SUPT3H: variants seen among roughly 807,000 people sequenced by gnomAD.
SUPT3H encodes SPT3 homolog, SAGA and STAGA complex component.
In SUPT3H, 44 loss-of-function variants were observed where a neutral mutation model predicts 44.3. The ratio of observed to expected loss-of-function variants is 0.99; its 90% CI spans 0.78 to 1.28. The LOEUF (loss-of-function observed/expected upper bound fraction) is 1.28. Among genes scored for constraint, SUPT3H ranks in the 50% most tolerant of loss-of-function variants. The pLI, the probability that SUPT3H is intolerant of heterozygous loss-of-function variation, is 0.00. For missense variants in SUPT3H, 380 were observed against 387.1 expected, an observed-to-expected ratio of 0.98 and a Z score of 0.15; for synonymous variants, 124 against 125.6, an observed-to-expected ratio of 0.99 and a Z score of 0.09.
intron 2 of SUPT3H, among the ~76,000 whole-genome samples, chr6:45,356,902 G>A (rs997888461): frequency 6.6e-6 from 1 of 152,148 alleles, no homozygotes; most frequent in Admixed American, 6.5e-5. Context: ...TTAATTTACA[G>A]AATTTACTGT....
chr6:44,862,398 C>G (rs1229359937), intron 10 of SUPT3H, among the ~76,000 whole-genome samples: 1 of 151,936 alleles, frequency 6.6e-6, no homozygotes, highest in Non-Finnish European at 1.5e-5. Context: ...GATACAGGGC[C>G]AGGCGCAGTG....
At chr6:44,840,698 G>A (rs860741) in intron 10 of SUPT3H, among the ~76,000 whole-genome samples, 95,762 of 151,972 alleles carry the variant, frequency 0.63, 31,291 homozygotes, top group East Asian at 0.96. Flanking sequence ...ATTCACTATA[G>A]GATTTCAGCA....
intron 2 of SUPT3H, among the ~76,000 whole-genome samples, chr6:45,173,826 G>A (rs1811234599): frequency 6.6e-6 from 1 of 152,146 alleles, no homozygotes; most frequent in South Asian, 2.1e-4. Context: ...GTCCTCTTCT[G>A]GGGGAAGACA....
chr6:45,125,287 T>C (rs910617079), intron 2 of SUPT3H, among the ~76,000 whole-genome samples: 7 of 152,322 alleles, frequency 4.6e-5, no homozygotes, highest in African/African-American at 1.7e-4. Flanking sequence ...TGAACAAAAT[T>C]TTAAGTCCAA....
intron 10 of SUPT3H, among the ~76,000 whole-genome samples, chr6:44,841,567 TA>T (rs1220091835): frequency 6.6e-6 from 1 of 152,234 alleles, no homozygotes; most frequent in African/African-American, 2.4e-5. Context: ...TAAATTTTAT[TA>T]ATCACAATGG....
intron 2 of SUPT3H, among the ~76,000 whole-genome samples, chr6:45,327,999 G>A (rs191044472): frequency 2.0e-5 from 3 of 152,060 alleles, no homozygotes; most frequent in South Asian, 2.1e-4. Context: ...AGAAAGGAAA[G>A]CCCTTAACTG....
At chr6:45,127,898 G>A (rs1226134679) in intron 2 of SUPT3H, among the ~76,000 whole-genome samples, 1 of 152,152 alleles carries the variant, frequency 6.6e-6, no homozygotes, top group Non-Finnish European at 1.5e-5. Flanking sequence ...GATAGGTTGT[G>A]TTTACTATCA....
intron 7 of SUPT3H, among the ~76,000 whole-genome samples, chr6:44,959,142 G>A (rs574318237): frequency 4.6e-5 from 7 of 151,974 alleles, no homozygotes; most frequent in African/African-American, 1.2e-4. Context: ...CACCTGCCTC[G>A]GTCTCCCAAA....
chr6:45,131,497 G>A (rs1226211863), intron 2 of SUPT3H, among the ~76,000 whole-genome samples: 1 of 151,840 alleles, frequency 6.6e-6, no homozygotes, highest in Non-Finnish European at 1.5e-5. Context: ...AAGCCTATAT[G>A]TAACCACTGT....
At chr6:45,075,422 C>G (rs114756722) in intron 3 of SUPT3H, among the ~76,000 whole-genome samples, 3 of 152,074 alleles carry the variant, frequency 2.0e-5, no homozygotes, top group African/African-American at 7.2e-5. Flanking sequence ...CAGACTAGAA[C>G]ATTTCCAACA....
intron 10 of SUPT3H, among the ~76,000 whole-genome samples, chr6:44,907,032 T>G (rs542677567): frequency 1.3e-5 from 2 of 152,344 alleles, no homozygotes; most frequent in South Asian, 4.1e-4. Flanking sequence ...ATTACCTTGA[T>G]GATTAAGATA....
chr6:44,990,391 G>A (rs1780450624), intron 6 of SUPT3H, among the ~76,000 whole-genome samples: 1 of 152,068 alleles, frequency 6.6e-6, no homozygotes, highest in South Asian at 2.1e-4. Flanking sequence ...TGTTGGAGGT[G>A]GGGCCTGGTA....
At chr6:45,190,752 G>C (rs1272522619) in intron 2 of SUPT3H, among the ~76,000 whole-genome samples, 1 of 151,966 alleles carries the variant, frequency 6.6e-6, no homozygotes, top group East Asian at 1.9e-4. Context: ...AAGAAAATAA[G>C]AATCTCAAAC....
intron 2 of SUPT3H, among the ~76,000 whole-genome samples, chr6:45,172,359 C>T (rs1236042642): frequency 1.3e-5 from 2 of 152,108 alleles, no homozygotes; most frequent in Non-Finnish European, 2.9e-5. Context: ...GCATGAGCCA[C>T]TGTGCCCAGC....
intron 5 of SUPT3H, among the ~76,000 whole-genome samples, chr6:45,011,426 G>A (rs553057661): frequency 6.6e-6 from 1 of 152,084 alleles, no homozygotes; most frequent in African/African-American, 2.4e-5. Context: ...TAGACCAACT[G>A]TATATTTATA....
rs1234322109 is a variant in SUPT3H, at chr6:44,829,850, T to C, written c.920A>G (p.Tyr307Cys). The stretch of plus-strand genomic sequence containing the variant: ...TAGAAAAGCCATCCCATTCCTGCGG[T>C]AGGCATTCTGTCAAAGAAAAAGAAA... ...IGPLSPFTNA[Y>C]RRNGMAFLAC The change falls in exon 11 of 11, where the codon TAC (tyrosine) becomes TGC (cysteine). Residue 307 changes from tyrosine (Y) to cysteine (C), a missense_variant. Transcript: ENST00000371459. 2.5e-6 allele frequency: 4 copies of C among 1,613,244 alleles called. No homozygotes were observed. In the South Asian group the frequency reaches 4.4e-5, roughly 18 times the overall value.
At chr6:45,014,590 G>T (rs1425215182) in intron 5 of SUPT3H, among the ~76,000 whole-genome samples, 1 of 152,086 alleles carries the variant, frequency 6.6e-6, no homozygotes, top group Non-Finnish European at 1.5e-5. Flanking sequence ...TCAAGAATTA[G>T]AATCTATGAG....
chr6:45,157,800 G>A (rs1808093907), intron 2 of SUPT3H, among the ~76,000 whole-genome samples: 1 of 151,442 alleles, frequency 6.6e-6, no homozygotes. Flanking sequence ...GCCTGCCTCG[G>A]CCTCCCAAGT....
chr6:45,124,502 G>A (rs1435593863), intron 2 of SUPT3H, among the ~76,000 whole-genome samples: 1 of 151,652 alleles, frequency 6.6e-6, no homozygotes, highest in African/African-American at 2.4e-5. Context: ...AAAATTAGCT[G>A]GGCATGGTGG....
Sources: gnomAD v4.1 joint callset for allele counts (sites outside exome capture counted in the v4.1 genomes callset) on GRCh38, gnomAD v4.1.1 for gene constraint, MANE v1.5 for transcripts, NCBI Gene and HGNC (gene_info 2026-07-23, HGNC 2026-07-21) for gene names.